Variants in DNAH6 observed in about 807,000 individuals in gnomAD.
DNAH6 encodes the protein dynein axonemal heavy chain 6.
In DNAH6, 340 loss-of-function variants were observed where a neutral mutation model predicts 491.4. The ratio of observed to expected loss-of-function variants is 0.69; its 90% CI spans 0.63 to 0.76. The LOEUF is 0.76. Among genes scored for constraint, DNAH6 ranks in the 30% least tolerant of loss-of-function variants. DNAH6 has a pLI of 0.00. For missense variants in DNAH6, 4,443 were observed against 4,972.2 expected (o/e 0.89, Z 3.20); for synonymous variants, 1,603 against 1,686.1 (o/e 0.95, Z 1.21).
chr2:84,782,837 G>A (rs1032493629), intron 65 of DNAH6, among the ~76,000 whole-genome samples: 1 of 152,176 alleles, frequency 6.6e-6, no homozygotes. Context: ...CAGCAAAAAA[G>A]CAATTTACTG....
In DNAH6 at chr2:84,787,260, AAAG is replaced by A. The variant is rs1446600604; in HGVS notation, c.11201_11203del (p.Glu3734del). On this transcript the variant is annotated inframe_deletion, in exon 68 of 77. Transcript: ENST00000389394. ...TTTACTGAATCTCAAACTCTATTGT[AAAG>A]AAGGAAAGATTCCCTGGGATGCACT... is the stretch of plus-strand genomic sequence containing the variant. 2 of 1,548,240 alleles carry A rather than the reference AAAG, an allele frequency of 1.3e-6. No individual in the cohort carries two copies. The highest frequency in any genetic ancestry group is 2.7e-5 in the African/African-American group (2 of 72,890).
Position 84,814,084 on chromosome 2 carries a change from A to T in DNAH6, c.12112A>T (p.Thr4038Ser). 6.4e-7 allele frequency: 1 copy of T among 1,551,726 alleles called. No homozygotes were observed. The highest frequency in any genetic ancestry group is 1.4e-5 in the African/African-American group (1 of 73,166). The change falls in exon 75 of 77, where the codon ACA becomes TCA. Residue 4038 changes from threonine (T) to serine (S), a missense_variant. Physicochemically the swap from Thr to Ser is moderately conservative, Grantham distance 58. Coordinates refer to ENST00000389394, the MANE Select transcript of DNAH6 (RefSeq NM_001370.2). ...DQAAVIEAAK[T>S]VQFGQELPMD... is the part of the protein sequence containing the mutation. Reference sequence around the variant, plus strand: ...AGCTGCAGTGATAGAAGCTGCCAAGACAGTGCAATTTGGACAAGAACTGCC... The same window carrying T: ...AGCTGCAGTGATAGAAGCTGCCAAGTCAGTGCAATTTGGACAAGAACTGCC...
At chr2:84,534,806 AATTTTCAAAT>A (rs1677526230) in intron 4 of DNAH6, among the ~76,000 whole-genome samples, 1 of 152,026 alleles carries the variant, frequency 6.6e-6, no homozygotes, top group African/African-American at 2.4e-5. Flanking sequence ...TTCAAAGCTT[AATTTTCAAAT>A]TCAACTTGGG....
chr2:84,758,721 A>G (rs1212129311), intron 63 of DNAH6, among the ~76,000 whole-genome samples: 1 of 152,238 alleles, frequency 6.6e-6, no homozygotes, highest in East Asian at 1.9e-4. Flanking sequence ...GACTCAGAAA[A>G]GCATTGATAA....
chr2:84,784,831 G>A, intron 66 of DNAH6, 21 bp downstream of exon 66: 2 of 1,472,192 alleles, frequency 1.4e-6, no homozygotes, highest in Non-Finnish European at 1.9e-6. Flanking sequence ...CATATGGTTG[G>A]AACAATGTGA....
At chr2:84,543,158 C>T (rs1678434902) in intron 4 of DNAH6, among the ~76,000 whole-genome samples, 1 of 151,892 alleles carries the variant, frequency 6.6e-6, no homozygotes, top group Non-Finnish European at 1.5e-5. Flanking sequence ...GACTCCCTCT[C>T]AAAGATAATC....
the DNAH6 span, among the ~76,000 whole-genome samples, chr2:84,481,476 G>T: frequency 3.3e-5 from 5 of 152,176 alleles, no homozygotes; most frequent in Admixed American, 3.3e-4. Context: ...ATGTGGAAAA[G>T]AATACACATG....
At chr2:84,634,474 CA>C in intron 29 of DNAH6, 29 bp from the exon 30 acceptor site, 1 of 1,500,844 alleles carries the variant, frequency 6.7e-7, no homozygotes, top group Non-Finnish European at 8.9e-7. Flanking sequence ...CTACACAATA[CA>C]AAGTTGAACT....
the DNAH6 span, among the ~76,000 whole-genome samples, chr2:84,466,151 C>T: frequency 3.9e-5 from 6 of 152,114 alleles, no homozygotes; most frequent in Non-Finnish European, 7.4e-5. Context: ...CTTTACCTAC[C>T]GTTATTTACT....
At chr2:84,610,735 C>A (rs1686242133) in intron 21 of DNAH6, among the ~76,000 whole-genome samples, 1 of 152,174 alleles carries the variant, frequency 6.6e-6, no homozygotes, top group Non-Finnish European at 1.5e-5. Context: ...GAAAAGATAA[C>A]CTGTGCCAAC....
At chr2:84,747,343 A>G (rs1403312789) in intron 63 of DNAH6, among the ~76,000 whole-genome samples, 1 of 152,218 alleles carries the variant, frequency 6.6e-6, no homozygotes, top group Non-Finnish European at 1.5e-5. Context: ...TTGGGTAAAC[A>G]TTCCTATTCC....
chr2:84,744,274 T>C (rs13383748), intron 62 of DNAH6, among the ~76,000 whole-genome samples: 21,124 of 152,170 alleles, frequency 0.14, 1,634 homozygotes, highest in African/African-American at 0.21. Context: ...CCAAGAAACC[T>C]GTTTCCTTAC....
chr2:84,813,870 G>T lies in DNAH6; in HGVS notation c.11999-101G>T. ...AGTTGGGTCTTCTCTGTGGTGGGAA[G>T]GCTCTCTAATGCCAGGGCAGCCTGG... is the stretch of plus-strand genomic sequence containing the variant. On this transcript the variant is annotated intron_variant, in intron 74 of 76. Coordinates refer to ENST00000389394, the MANE Select transcript of DNAH6 (RefSeq NM_001370.2). 3 of 1,207,422 alleles carry T rather than the reference G, an allele frequency of 2.5e-6. 1 individual carries two copies. The South Asian group carries it at 4.4e-5, about 18-fold the overall frequency. 74.8% of individuals were successfully genotyped at this position (1,207,422 alleles called of 1,614,324 possible).
At chr2:84,519,105 G>C (rs866125623) in intron 2 of DNAH6, among the ~76,000 whole-genome samples, 29 of 152,184 alleles carry the variant, frequency 1.9e-4, no homozygotes, top group Admixed American at 3.3e-4. Flanking sequence ...GACTGCTTTA[G>C]ATTGGGTGAC....
chr2:84,624,944 C>G lies in DNAH6; in HGVS notation c.4396C>G (p.Leu1466Val), dbSNP rs1687721897. 2 of 1,551,532 alleles carry G rather than the reference C, an allele frequency of 1.3e-6. No homozygotes were observed. Among genetic ancestry groups the G allele is most frequent in the African/African-American group, 2.7e-5 (2 of 73,124 alleles). The stretch of plus-strand genomic sequence containing the variant: ...CCTCATGGGAGCTTTGCAGCTTGAC[C>G]TTGGGGGTGCACCAGCTGGTCCTGC... ...LCLMGALQLD[L>V]GGAPAGPAGT... Residue 1466 changes from leucine (L) to valine (V), a missense_variant, in exon 29 of 77, where the codon CTT becomes GTT. Transcript: ENST00000389394.
At chr2:84,541,515 TAAAAG>T (rs753738318) in intron 4 of DNAH6, among the ~76,000 whole-genome samples, 14 of 152,126 alleles carry the variant, frequency 9.2e-5, no homozygotes, top group Admixed American at 2.6e-4. Flanking sequence ...AAAGGAAACT[TAAAAG>T]AAGAAGAAAA....
At chr2:84,607,183 T>C in intron 21 of DNAH6, 88 bp downstream of exon 21, 1 of 1,287,984 alleles carries the variant, frequency 7.8e-7, no homozygotes, top group African/African-American at 1.5e-5. Context: ...ATTTAAATAT[T>C]ATATGGTTTT....
rs1031252218 is a variant in DNAH6, at chr2:84,797,692, T to C, written c.11481+34T>C. 21 of 1,522,030 alleles carry C rather than the reference T, an allele frequency of 1.4e-5. No individual in the cohort carries two copies. The African/African-American group carries it at 2.1e-4, about 15-fold the overall frequency. The allele number at this position is 1,522,030 out of a possible 1,614,324, so 94.3% of individuals were successfully genotyped here. On this transcript the variant is annotated intron_variant, in intron 70 of 76. Transcript: ENST00000389394. Reference sequence around the variant, plus strand: ...CCTTTCATCTTAAAATACATATTTATGTTGTGTATGTAAACTCAAAACATC... The same window carrying C: ...CCTTTCATCTTAAAATACATATTTACGTTGTGTATGTAAACTCAAAACATC...
chr2:84,778,417 A>T (rs1313596662), intron 64 of DNAH6, among the ~76,000 whole-genome samples: 2 of 151,252 alleles, frequency 1.3e-5, no homozygotes, highest in Non-Finnish European at 2.9e-5. Context: ...TAACTTCAGG[A>T]TTTGTTTGTT....
Sources: allele counts gnomAD v4.1 joint callset (sites outside exome capture counted in the v4.1 genomes callset), GRCh38; gene constraint gnomAD v4.1.1; transcripts MANE v1.5; gene names NCBI Gene and HGNC (gene_info 2026-07-23, HGNC 2026-07-21).